Variants in CHST11 observed in about 807,000 individuals in gnomAD.
CHST11 encodes the protein carbohydrate sulfotransferase 11.
In CHST11, 9 loss-of-function variants were observed where a neutral mutation model predicts 30.4. The ratio of observed to expected loss-of-function variants is 0.30; its 90% confidence interval spans 0.18 to 0.52. The LOEUF is 0.52. Among genes scored for constraint, CHST11 ranks in the 20% least tolerant of loss-of-function variants. CHST11 has a pLI of 0.97. For synonymous variants in CHST11, 152 were observed against 187.8 expected, an observed-to-expected ratio of 0.81 and a Z score of 1.56; for missense variants, 348 against 460.6, an observed-to-expected ratio of 0.76 and a Z score of 2.24.
At chr12:104,704,729 C>G (rs1332253995) in intron 2 of CHST11, among the ~76,000 whole-genome samples, 1 of 152,264 alleles carries the variant, frequency 6.6e-6, no homozygotes, top group East Asian at 1.9e-4. Context: ...CCCCAGAACC[C>G]TGGCCTTTGG....
chr12:104,457,214 A>G lies in CHST11; in HGVS notation c.-198A>G, dbSNP rs2037358231. ...GGTCCACGCATCTCAGCACTTCCAG[A>G]CCAACTCCGGCACCTTCCACACCCC... On this transcript the variant is annotated 5_prime_UTR_variant, in exon 1 of 3. Coordinates refer to ENST00000303694, the MANE Select transcript of CHST11 (RefSeq NM_018413.6). 5.9e-6 allele frequency: 3 copies of G among 511,966 alleles called. No individual in the cohort carries two copies. Among genetic ancestry groups the G allele is most frequent in the South Asian group, 2.7e-5 (1 of 36,978 alleles). 31.7% of individuals were successfully genotyped at this position (511,966 alleles called of 1,614,324 possible).
intron 2 of CHST11, among the ~76,000 whole-genome samples, chr12:104,605,842 A>G (rs2038999737): frequency 6.6e-6 from 1 of 152,090 alleles, no homozygotes; most frequent in South Asian, 2.1e-4. Context: ...AATAGGGCCT[A>G]ATTTCCCCTA....
intron 2 of CHST11, among the ~76,000 whole-genome samples, chr12:104,735,791 C>T (rs1023715145): frequency 2.6e-5 from 4 of 152,182 alleles, no homozygotes; most frequent in East Asian, 1.9e-4. Context: ...CAGGCATCTG[C>T]GCTTTCCATG....
At chr12:104,615,781 A>C (rs1340929128) in intron 2 of CHST11, among the ~76,000 whole-genome samples, 5 of 152,154 alleles carry the variant, frequency 3.3e-5, no homozygotes, top group Admixed American at 1.3e-4. Context: ...TACAAAAATT[A>C]GCCAGGCGTG....
At chr12:104,508,840 A>G (rs2037934266) in intron 1 of CHST11, among the ~76,000 whole-genome samples, 2 of 152,002 alleles carry the variant, frequency 1.3e-5, no homozygotes, top group Admixed American at 6.6e-5. Flanking sequence ...TTTCTTTCTT[A>G]AATGCTTTTC....
rs1191123093 is a variant in CHST11 at position 104,749,615 on chromosome 12, G to A, written c.205-7334G>A. 2.0e-5 allele frequency among the ~76,000 whole-genome samples: 3 copies of A among 152,172 alleles called. No homozygotes were observed. The East Asian group carries it at 5.8e-4, about 29-fold the overall frequency. ...GCATTCTCTTTTACTATGAGGGAAC[G>A]GGTTTTTCTTCATTAATGAGTGAGT... On this transcript the variant is annotated intron_variant, in intron 2 of 2. Transcript: ENST00000303694.
intron 2 of CHST11, among the ~76,000 whole-genome samples, chr12:104,618,256 C>T (rs75949075): frequency 0.17 from 24,300 of 141,976 alleles, 2,543 homozygotes; most frequent in Admixed American, 0.25. Context: ...CAGGGTGTTG[C>T]TCTGTTGCCC....
intron 2 of CHST11, among the ~76,000 whole-genome samples, chr12:104,652,325 C>CGG (rs2039497962): frequency 6.6e-6 from 1 of 152,186 alleles, no homozygotes; most frequent in Admixed American, 6.5e-5. Flanking sequence ...TCTAATTACA[C>CGG]AAAGGAAAGC....
Position 104,544,449 on chromosome 12 carries a change from G to C in CHST11, c.119-57457G>C, listed in dbSNP as rs140452425. On this transcript the variant is annotated intron_variant, in intron 1 of 2. Transcript: ENST00000303694. Reference sequence around the variant, plus strand: ...TCAGAAATTTGGGCCGGGCACGGTGGCTTACACCTGTAATCCCAGCACTTT... The same window carrying C: ...TCAGAAATTTGGGCCGGGCACGGTGCCTTACACCTGTAATCCCAGCACTTT... Among the ~76,000 whole-genome samples, 623 of 152,210 alleles carry C rather than the reference G, an allele frequency of 4.1e-3. 2 individuals are homozygous for C. Among genetic ancestry groups the C allele is most frequent in the African/African-American group, 0.013 (560 of 41,530 alleles).
At chr12:104,735,198 C>T (rs915763299) in intron 2 of CHST11, among the ~76,000 whole-genome samples, 3 of 152,142 alleles carry the variant, frequency 2.0e-5, no homozygotes, top group Non-Finnish European at 4.4e-5. Context: ...GCTGCACCAC[C>T]GGCTAGCTTT....
intron 1 of CHST11, among the ~76,000 whole-genome samples, chr12:104,601,617 G>T (rs181777642): frequency 6.6e-6 from 1 of 152,296 alleles, no homozygotes; most frequent in Admixed American, 6.5e-5. Flanking sequence ...TTTGTAAGTG[G>T]TTTCATTTCA....
intron 2 of CHST11, among the ~76,000 whole-genome samples, chr12:104,718,260 A>G (rs1474330984): frequency 4.6e-5 from 7 of 152,234 alleles, no homozygotes; most frequent in Non-Finnish European, 1.0e-4. Context: ...CTGAAGCCAC[A>G]CAGTCTGTCA....
At chr12:104,688,191 G>A (rs1331179265) in intron 2 of CHST11, among the ~76,000 whole-genome samples, 1 of 152,250 alleles carries the variant, frequency 6.6e-6, no homozygotes, top group Non-Finnish European at 1.5e-5. Flanking sequence ...GTGTTCAGGT[G>A]ACTGTTGCTG....
rs1018448780 is a variant in CHST11 at position 104,626,697 on chromosome 12, AT to A, written c.204+24717del. Among the ~76,000 whole-genome samples, 188 of 144,596 alleles carry A rather than the reference AT, an allele frequency of 1.3e-3. 3 individuals are homozygous for A. The East Asian group carries it at 0.028, about 22-fold the overall frequency. 94.9% of individuals were successfully genotyped at this position (144,596 alleles called of 152,430 possible). A position where few individuals can be genotyped will look rare whatever the true frequency, so the allele number is the denominator to read the frequency against. On this transcript the variant is annotated intron_variant, in intron 2 of 2. Coordinates refer to ENST00000303694, the MANE Select transcript of CHST11 (RefSeq NM_018413.6). ...TGTGATTTGTTTTTTAATAGACTTG[AT>A]TTTTTTTTTTAGAGCAGTTTTAGGT...
chr12:104,647,280 T>C (rs2039443405), intron 2 of CHST11, among the ~76,000 whole-genome samples: 1 of 152,218 alleles, frequency 6.6e-6, no homozygotes, highest in African/African-American at 2.4e-5. Context: ...CATCTTTGTT[T>C]TTTCCTGATG....
At chr12:104,657,988 G>A (rs1259217924) in intron 2 of CHST11, among the ~76,000 whole-genome samples, 3 of 152,158 alleles carry the variant, frequency 2.0e-5, no homozygotes, top group Admixed American at 6.5e-5. Context: ...CAGTGTTCAG[G>A]GACGCAGCCC....
At chr12:104,678,882 GT>G (rs1306732468) in intron 2 of CHST11, among the ~76,000 whole-genome samples, 1 of 152,172 alleles carries the variant, frequency 6.6e-6, no homozygotes, top group Non-Finnish European at 1.5e-5. Flanking sequence ...ATTTCATTCA[GT>G]TTGTGAAACA....
At chr12:104,632,479 C>T (rs1566015952) in intron 2 of CHST11, among the ~76,000 whole-genome samples, 1 of 152,166 alleles carries the variant, frequency 6.6e-6, no homozygotes, top group Non-Finnish European at 1.5e-5. Flanking sequence ...GCCTGGTCTC[C>T]TAAGAAGTTC....
chr12:104,671,024 G>A (rs1258088486), intron 2 of CHST11, among the ~76,000 whole-genome samples: 6 of 152,216 alleles, frequency 3.9e-5, no homozygotes, highest in Admixed American at 3.9e-4. Context: ...GTGTTGGGCA[G>A]GTGAGAAGCC....
Sources: allele counts gnomAD v4.1 joint callset (sites outside exome capture counted in the v4.1 genomes callset), GRCh38; gene constraint gnomAD v4.1.1; transcripts MANE v1.5; gene names NCBI Gene and HGNC (gene_info 2026-07-23, HGNC 2026-07-21).